SULT1B1: variants seen among roughly 807,000 people sequenced by gnomAD.
SULT1B1 encodes sulfotransferase family 1B member 1.
SULT1B1 carries 28 observed loss-of-function variants against 34.6 expected under a neutral mutation model. The observed-to-expected ratio is 0.81, with a 90% CI of 0.60 to 1.11. SULT1B1 has a LOEUF of 1.11. Ranked by LOEUF, SULT1B1 falls within the 50% of genes least tolerant of loss-of-function variation. SULT1B1 has a pLI of 0.00. For synonymous variants in SULT1B1, 147 were observed against 110.2 expected (o/e 1.33, Z -2.09); for missense variants, 374 against 352.2 (o/e 1.06, Z -0.50).
rs1435080476 is a variant in SULT1B1 at position 69,723,807 on chromosome 4, C to A, written c.*3281G>T. On this transcript the variant is annotated 3_prime_UTR_variant, in exon 8 of 8. Coordinates refer to ENST00000310613, the MANE Select transcript of SULT1B1 (RefSeq NM_014465.4). ...TTATCTCAATAGATGCAGAAAAGGCCTTTGACAAAATTCAACAGCCTTCAT... is the reference window on the plus strand; with the variant it reads ...TTATCTCAATAGATGCAGAAAAGGCATTTGACAAAATTCAACAGCCTTCAT... The A allele has an allele frequency of 1.3e-5, 2 of 152,120 alleles. No homozygotes were observed. The highest frequency in any genetic ancestry group is 2.1e-4 in the South Asian group (1 of 4,830). The allele number at this position is 152,120 out of a possible 1,614,324, so 9.4% of individuals were successfully genotyped here.
At chr4:69,746,557 G>C (rs1468105836) in intron 4 of SULT1B1, among the ~76,000 whole-genome samples, 1 of 152,070 alleles carries the variant, frequency 6.6e-6, no homozygotes, top group Non-Finnish European at 1.5e-5. Flanking sequence ...CAGAAGTTCA[G>C]TTTTGTTCTT....
At chr4:69,729,380 C>T (rs1044516377) in intron 7 of SULT1B1, among the ~76,000 whole-genome samples, 3 of 151,986 alleles carry the variant, frequency 2.0e-5, no homozygotes, top group African/African-American at 4.8e-5. Context: ...GGCAGAGTTC[C>T]TGGAACCAAT....
chr4:69,744,523 G>A (rs1424280090), intron 4 of SULT1B1, among the ~76,000 whole-genome samples: 1 of 152,334 alleles, frequency 6.6e-6, no homozygotes, highest in East Asian at 1.9e-4. Flanking sequence ...AGCCACTCTG[G>A]ACTATAAAGG....
intron 4 of SULT1B1, among the ~76,000 whole-genome samples, chr4:69,745,740 A>G (rs1172327577): frequency 6.6e-6 from 1 of 151,990 alleles, no homozygotes; most frequent in East Asian, 1.9e-4. Flanking sequence ...TGAAGATTTG[A>G]TCCTGTAATT....
chr4:69,733,630 A>G (rs13152331), intron 5 of SULT1B1, 123 bp from the exon 6 acceptor site: 1 of 662,902 alleles, frequency 1.5e-6, no homozygotes, highest in Non-Finnish European at 2.4e-6. Context: ...GAATATGAGG[A>G]CAATCTTAAA....
rs77010932 is a variant in SULT1B1, at chr4:69,749,584, T to C, written c.375+137A>G. On this transcript the variant is annotated intron_variant, in intron 4 of 7. Coordinates refer to ENST00000310613, the MANE Select transcript of SULT1B1 (RefSeq NM_014465.4). ...ACTTAATGGCTTTTGAAGATTTACG[T>C]ACAACGTGAGTGGGTATAGTATAGA... The C allele has an allele frequency of 4.9e-3, 2,562 of 519,080 alleles. 62 individuals are homozygous for C. The highest frequency in any genetic ancestry group is 0.045 in the East Asian group (1,480 of 33,002). The allele number at this position is 519,080 out of a possible 1,614,324, so 32.2% of individuals were successfully genotyped here. A position where few individuals can be genotyped will look rare whatever the true frequency, so the allele number is the denominator to read the frequency against.
chr4:69,728,169 A>G (rs1429322038), intron 7 of SULT1B1, among the ~76,000 whole-genome samples: 1 of 152,084 alleles, frequency 6.6e-6, no homozygotes, highest in Non-Finnish European at 1.5e-5. Flanking sequence ...GATGTCATTA[A>G]AAACAGAGGA....
intron 3 of SULT1B1, among the ~76,000 whole-genome samples, chr4:69,752,512 C>T (rs981400076): frequency 2.6e-5 from 4 of 152,132 alleles, no homozygotes; most frequent in African/African-American, 9.7e-5. Flanking sequence ...GAATATTAAA[C>T]TCCTTTTGTT....
chr4:69,729,379 C>A (rs1717970205), intron 7 of SULT1B1, among the ~76,000 whole-genome samples: 1 of 151,970 alleles, frequency 6.6e-6, no homozygotes, highest in South Asian at 2.1e-4. Context: ...AGGCAGAGTT[C>A]CTGGAACCAA....
chr4:69,744,265 G>C (rs1013807889), intron 4 of SULT1B1, among the ~76,000 whole-genome samples: 2 of 152,232 alleles, frequency 1.3e-5, no homozygotes, highest in South Asian at 2.1e-4. Context: ...GGGACTGACT[G>C]TCTCCTCTCT....
chr4:69,729,677 C>G (rs1012004717), intron 7 of SULT1B1, among the ~76,000 whole-genome samples: 1 of 151,946 alleles, frequency 6.6e-6, no homozygotes, highest in Non-Finnish European at 1.5e-5. Context: ...TCAAAATTGG[C>G]GGTTTTGTTT....
chr4:69,742,263 CAGTTTGCT>C (rs1245037812), intron 4 of SULT1B1, among the ~76,000 whole-genome samples: 1 of 152,072 alleles, frequency 6.6e-6, no homozygotes, highest in Non-Finnish European at 1.5e-5. Flanking sequence ...CTCCTGGATT[CAGTTTGCT>C]AGTATTTTGT....
At position 69,722,191 on chromosome 4, in the gene SULT1B1, C is replaced by T. The variant is rs1717680908; in HGVS notation, c.*4897G>A. ...CCACTCTTCACTCAGTGCATAGAAACATACCTGAGGCATAATTACAACTTA... is the reference window on the plus strand; with the variant it reads ...CCACTCTTCACTCAGTGCATAGAAATATACCTGAGGCATAATTACAACTTA... On this transcript the variant is annotated 3_prime_UTR_variant, in exon 8 of 8. Transcript: ENST00000310613. 6.6e-6 allele frequency: 1 copy of T among 152,108 alleles called. No homozygotes were observed. Among genetic ancestry groups the T allele is most frequent in the African/African-American group, 2.4e-5 (1 of 41,446 alleles). 9.4% of individuals were successfully genotyped at this position (152,108 alleles called of 1,614,324 possible).
intron 4 of SULT1B1, among the ~76,000 whole-genome samples, chr4:69,734,686 A>G (rs1718228547): frequency 6.6e-6 from 1 of 152,218 alleles, no homozygotes; most frequent in African/African-American, 2.4e-5. Context: ...TACCAGTGAA[A>G]TACCGAGAAA....
At position 69,734,216 on chromosome 4, in the gene SULT1B1, G is replaced by T; in HGVS notation, c.424C>A (p.His142Asn). The stretch of plus-strand genomic sequence containing the variant: ...TGTAAATTATTCATTAAGTCAAAAT[G>T]GTAATATGAGACTGAAACATCCTTG... ...NAKDVSVSYYHFDLMNNLQPF... is the reference protein window; with the variant it reads ...NAKDVSVSYYNFDLMNNLQPF... Residue 142 changes from histidine (H) to asparagine (N), a missense_variant, in exon 5 of 8, where the codon CAT becomes AAT. Transcript: ENST00000310613. 6.2e-7 allele frequency: 1 copy of T among 1,612,848 alleles called. No individual in the cohort carries two copies. The highest frequency in any genetic ancestry group is 8.5e-7 in the Non-Finnish European group (1 of 1,179,448).
intron 7 of SULT1B1, among the ~76,000 whole-genome samples, chr4:69,727,498 T>C (rs1717883890): frequency 1.3e-5 from 2 of 152,018 alleles, no homozygotes; most frequent in South Asian, 2.1e-4. Context: ...TTCCCAAGAG[T>C]GATAATTTTA....
chr4:69,750,045 T>A (rs922998357), intron 3 of SULT1B1, among the ~76,000 whole-genome samples: 1 of 152,186 alleles, frequency 6.6e-6, no homozygotes, highest in Admixed American at 6.5e-5. Context: ...ACTCTATCAC[T>A]TAAGCATTGT....
At chr4:69,733,933 T>C (rs1277561004) in intron 5 of SULT1B1, among the ~76,000 whole-genome samples, 1 of 152,178 alleles carries the variant, frequency 6.6e-6, no homozygotes, top group Admixed American at 6.5e-5. Flanking sequence ...TAGAATACTT[T>C]TGTATGCCAA....
rs1160599626 is a variant in SULT1B1 at position 69,754,728 on chromosome 4, A to G, written c.219T>C (p.Gly73=). The G allele has an allele frequency of 1.2e-6, 2 of 1,613,406 alleles. No individual in the cohort carries two copies. The highest frequency in any genetic ancestry group is 8.5e-7 in the Non-Finnish European group (1 of 1,179,548). ...NDGDIEKCKR[G]FITEKVPMLE... is the part of the protein sequence containing the mutation. Reference sequence around the variant, plus strand: ...ACATTGGAACTTTTTCAGTAATAAAACCTCGCTTACATTTTTCAATATCTC... The same window carrying G: ...ACATTGGAACTTTTTCAGTAATAAAGCCTCGCTTACATTTTTCAATATCTC... The change falls in exon 3 of 8, where the codon GGT becomes GGC. Residue 73 remains glycine (G), a synonymous_variant. Coordinates refer to ENST00000310613, the MANE Select transcript of SULT1B1 (RefSeq NM_014465.4).
Sources: gnomAD v4.1 joint callset for allele counts (sites outside exome capture counted in the v4.1 genomes callset) on GRCh38, gnomAD v4.1.1 for gene constraint, MANE v1.5 for transcripts, NCBI Gene and HGNC (gene_info 2026-07-23, HGNC 2026-07-21) for gene names.